The following ZNF107 variants were observed in gnomAD, a reference collection of about 807,000 sequenced individuals.
ZNF107 encodes the protein C2H2 type zinc-finger protein.
ZNF107 carries 19 observed loss-of-function variants against 12.3 expected under a neutral mutation model. That is an observed-to-expected ratio of 1.55 (90% confidence interval 1.08 to 2.27). ZNF107 has a LOEUF of 2.27. Ranked by LOEUF, ZNF107 falls within the 30% of genes most tolerant of loss-of-function variation. The pLI, the probability that ZNF107 is intolerant of heterozygous loss-of-function variation, is 0.00. For synonymous variants in ZNF107, 317 were observed against 330.5 expected, an observed-to-expected ratio of 0.96 and a Z score of 0.44; for missense variants, 958 against 979.9, an observed-to-expected ratio of 0.98 and a Z score of 0.30.
At chr7:64,678,921 A>G (rs923267682) in intron 1 of ZNF107, 6 of 152,054 alleles carry the variant, frequency 3.9e-5, no homozygotes, top group African/African-American at 9.7e-5. Context: ...ATATTCCACT[A>G]TATTAACAAA....
chr7:64,706,160 T>A (rs7804015), intron 3 of ZNF107, among the ~76,000 whole-genome samples, 164 bp from the exon 4 acceptor site: 150,236 of 152,240 alleles, frequency 0.99, 74,141 homozygotes, highest in East Asian at 1. Context: ...TATTTTGGTG[T>A]TTATGTTTTT....
Position 64,707,505 on chromosome 7 carries a change from A to G in ZNF107, c.1408A>G (p.Asn470Asp), listed in dbSNP as rs61739519. ...TTTTAACCAACACTCAAACCTAATTAACCATAGGAAAATTTATTCTGGAGA... is the reference window on the plus strand; with the variant it reads ...TTTTAACCAACACTCAAACCTAATTGACCATAGGAAAATTTATTCTGGAGA... ...KAFNQHSNLI[N>D]HRKIYSGEKP... Residue 470 changes from asparagine to aspartate, a missense_variant, in exon 4 of 4, where the codon AAC (asparagine) becomes GAC (aspartate). Transcript: ENST00000620827. The G allele has an allele frequency of 4.6e-3, 7,423 of 1,613,416 alleles. 20 individuals carry two copies. Among genetic ancestry groups the G allele is most frequent in the Non-Finnish European group, 5.6e-3 (6,660 of 1,179,682 alleles).
At chr7:64,680,426 T>C (rs1789611552) in intron 1 of ZNF107, among the ~76,000 whole-genome samples, 1 of 152,184 alleles carries the variant, frequency 6.6e-6, no homozygotes, top group South Asian at 2.1e-4. Flanking sequence ...AGGTGACCAC[T>C]GGCGCCTTGA....
In ZNF107 at chr7:64,708,541, A is replaced by G. The variant is rs1347995186; in HGVS notation, c.2444A>G (p.Lys815Arg). The G allele has an allele frequency of 2.5e-6, 4 of 1,613,140 alleles. No individual in the cohort carries two copies. The highest frequency in any genetic ancestry group is 2.5e-6 in the Non-Finnish European group (3 of 1,179,518). ...CATAAGATAATTCATACTGGAGAGA[A>G]ACCCTACAAATGTGGAGATTATGGC... ...NIHKIIHTGEKPYKCGDYGRA... is the reference protein window; with the variant it reads ...NIHKIIHTGERPYKCGDYGRA... Residue 815 changes from lysine (K) to arginine (R), a missense_variant, in exon 4 of 4, where the codon AAA becomes AGA. Physicochemically the swap from Lys to Arg is conservative, Grantham distance 26. Transcript: ENST00000620827.
At chr7:64,687,393 G>A in intron 1 of ZNF107, 3 of 985,364 alleles carry the variant, frequency 3.0e-6, no homozygotes, top group Non-Finnish European at 3.6e-6. Context: ...CTCTCCTCCT[G>A]CAACTCAGGC....
chr7:64,690,165 C>T (rs544327068), intron 1 of ZNF107: 2 of 184,546 alleles, frequency 1.1e-5, no homozygotes, highest in Admixed American at 1.3e-4. Context: ...CTTCTGAGGT[C>T]ATCATTTGAA....
chr7:64,706,060 G>C (rs1420964665), intron 3 of ZNF107, among the ~76,000 whole-genome samples: 1 of 151,992 alleles, frequency 6.6e-6, no homozygotes. Flanking sequence ...AAATAAAACA[G>C]ACTTGTCTCT....
chr7:64,682,587 C>T (rs1318229556), intron 1 of ZNF107, among the ~76,000 whole-genome samples: 1 of 152,162 alleles, frequency 6.6e-6, no homozygotes, highest in African/African-American at 2.4e-5. Flanking sequence ...GGTCCTAACA[C>T]AAGGGCCAGG....
intron 1 of ZNF107, among the ~76,000 whole-genome samples, chr7:64,668,331 A>G (rs1469188362): frequency 3.1e-5 from 3 of 97,010 alleles, no homozygotes; most frequent in Non-Finnish European, 3.7e-5. Context: ...AGCAGGCCCC[A>G]GTGTGTGATG....
chr7:64,696,821 T>A (rs1790305445), intron 3 of ZNF107, among the ~76,000 whole-genome samples: 1 of 152,068 alleles, frequency 6.6e-6, no homozygotes, highest in African/African-American at 2.4e-5. Flanking sequence ...ATTTATTTAT[T>A]TTTTATTTTT....
In ZNF107 at chr7:64,691,382, TA is replaced by T. The variant is rs1790113693; in HGVS notation, c.130+10del. 1.4e-6 allele frequency: 2 copies of T among 1,459,364 alleles called. No homozygotes were observed. The highest frequency in any genetic ancestry group is 4.8e-5 in the Admixed American group (2 of 41,746). The allele number at this position is 1,459,364 out of a possible 1,614,324, so 90.4% of individuals were successfully genotyped here. ...GAAACCTGGTCTTTTTGGGTGAGGA[TA>T]ACTTCAATACACAATTCCCAAAATA... On this transcript the variant is annotated intron_variant, in intron 2 of 3. Transcript: ENST00000620827.
chr7:64,686,527 A>C (rs1789919219), intron 1 of ZNF107: 1 of 985,234 alleles, frequency 1.0e-6, no homozygotes, highest in African/African-American at 1.7e-5. Context: ...CACCCCGTCC[A>C]CTTCTTTTCT....
At chr7:64,669,728 C>T (rs1172540965) in intron 1 of ZNF107, among the ~76,000 whole-genome samples, 1 of 152,042 alleles carries the variant, frequency 6.6e-6, no homozygotes, top group Non-Finnish European at 1.5e-5. Context: ...GCAGAGGTTG[C>T]AGTGAGCCAA....
At position 64,708,313 on chromosome 7, in the gene ZNF107, G is replaced by A. The variant is rs527730206; in HGVS notation, c.2216G>A (p.Gly739Asp). The change falls in exon 4 of 4, where the codon GGC (glycine) becomes GAC (aspartate). Residue 739 changes from glycine (G) to aspartate (D), a missense_variant. By Grantham distance (94) the Gly-to-Asp change is moderately conservative (BLOSUM62 -1). Coordinates refer to ENST00000620827, the MANE Select transcript of ZNF107 (RefSeq NM_001282359.2). ...GEKPYKCKEC[G>D]KAFNLSSTLT... Reference sequence around the variant, plus strand: ...AAACCTTACAAATGTAAAGAATGTGGCAAAGCTTTTAACCTATCCTCAACC... The same window carrying A: ...AAACCTTACAAATGTAAAGAATGTGACAAAGCTTTTAACCTATCCTCAACC... 8 of 1,613,298 alleles carry A rather than the reference G, an allele frequency of 5.0e-6. No homozygotes were observed. Among genetic ancestry groups the A allele is most frequent in the East Asian group, 2.2e-5 (1 of 44,770 alleles).
intron 1 of ZNF107, chr7:64,669,276 A>C (rs1199027592): frequency 6.6e-6 from 1 of 151,960 alleles, no homozygotes; most frequent in Non-Finnish European, 1.5e-5. Context: ...TTGGTCTCCC[A>C]AGGGATTACA....
rs186962939 is a variant in ZNF107 at position 64,691,204 on chromosome 7, G to A, written c.4-44G>A. ...ACATTTTTTTAAAAATTCAATGACA[G>A]CTTATGGCTGCTTGGTAAATGTGTG... On this transcript the variant is annotated intron_variant, in intron 1 of 3. Transcript: ENST00000620827. 374 of 1,392,460 alleles carry A rather than the reference G, an allele frequency of 2.7e-4. 5 individuals carry two copies. The Middle Eastern group carries it at 0.016, about 61-fold the overall frequency. The allele number at this position is 1,392,460 out of a possible 1,614,324, so 86.3% of individuals were successfully genotyped here.
At chr7:64,676,167 G>A (rs978855390) in intron 1 of ZNF107, among the ~76,000 whole-genome samples, 17 of 152,044 alleles carry the variant, frequency 1.1e-4, no homozygotes, top group Non-Finnish European at 1.8e-4. Flanking sequence ...TTTTTAATTT[G>A]TATGTAATTG....
rs550676328 is a variant in ZNF107 at position 64,691,217 on chromosome 7, T to C, written c.4-31T>C. On this transcript the variant is annotated intron_variant, in intron 1 of 3. Coordinates refer to ENST00000620827, the MANE Select transcript of ZNF107 (RefSeq NM_001282359.2). Reference sequence around the variant, plus strand: ...AATTCAATGACAGCTTATGGCTGCTTGGTAAATGTGTGTGTGTTTGTGTTT... The same window carrying C: ...AATTCAATGACAGCTTATGGCTGCTCGGTAAATGTGTGTGTGTTTGTGTTT... The C allele has an allele frequency of 9.8e-6, 14 of 1,426,412 alleles. No homozygotes were observed. In the African/African-American group the frequency reaches 1.9e-4, roughly 19 times the overall value. 88.4% of individuals were successfully genotyped at this position (1,426,412 alleles called of 1,614,324 possible). A position where few individuals can be genotyped will look rare whatever the true frequency, so the allele number is the denominator to read the frequency against.
At chr7:64,677,620 G>A (rs182703618) in intron 1 of ZNF107, among the ~76,000 whole-genome samples, 1,613 of 151,392 alleles carry the variant, frequency 0.011, 33 homozygotes, top group African/African-American at 0.037. Context: ...TTGGGAGGCC[G>A]AGGCGGGCGG....
Sources: allele counts gnomAD v4.1 joint callset (sites outside exome capture counted in the v4.1 genomes callset), GRCh38; gene constraint gnomAD v4.1.1; transcripts MANE v1.5; gene names NCBI Gene and HGNC (gene_info 2026-07-23, HGNC 2026-07-21).